The following SHF variants were observed in gnomAD, a reference collection of about 807,000 sequenced individuals.
SHF encodes the protein SH2 domain-containing adapter protein F.
In SHF, 30 loss-of-function variants were observed where a neutral mutation model predicts 42.4. That is an observed-to-expected ratio of 0.71 (90% CI 0.53 to 0.96). SHF has a LOEUF of 0.96. Ranked by LOEUF, SHF falls within the 40% of genes least tolerant of loss-of-function variation. The pLI is 0.00. For missense variants in SHF, 598 were observed against 634.0 expected (o/e 0.94, Z 0.61); for synonymous variants, 264 against 269.9 (o/e 0.98, Z 0.21).
At chr15:45,193,126 A>G (rs530763932) in intron 2 of SHF, among the ~76,000 whole-genome samples, 2 of 152,362 alleles carry the variant, frequency 1.3e-5, no homozygotes, top group South Asian at 2.1e-4. Context: ...TTGATGATCT[A>G]TACTTAAATT....
chr15:45,196,295 T>C (rs954781497), intron 2 of SHF, among the ~76,000 whole-genome samples: 3 of 152,160 alleles, frequency 2.0e-5, no homozygotes, highest in Admixed American at 6.5e-5. Flanking sequence ...GGTTTCCCCA[T>C]GTTGGCCAGG....
intron 2 of SHF, among the ~76,000 whole-genome samples, chr15:45,196,636 A>G (rs1228771688): frequency 2.6e-5 from 4 of 151,980 alleles, no homozygotes; most frequent in South Asian, 4.2e-4. Context: ...GGTGGCTCAC[A>G]CCTGTAATCC....
At chr15:45,172,774 C>T (rs1227130859) in intron 4 of SHF, among the ~76,000 whole-genome samples, 1 of 152,190 alleles carries the variant, frequency 6.6e-6, no homozygotes, top group Non-Finnish European at 1.5e-5. Context: ...TATCTGGTTC[C>T]CCTTGGTGCC....
intron 2 of SHF, among the ~76,000 whole-genome samples, chr15:45,193,261 A>G (rs1898759345): frequency 6.6e-6 from 1 of 152,220 alleles, no homozygotes; most frequent in Admixed American, 6.5e-5. Flanking sequence ...GGATGCACAC[A>G]TGACAGCCTC....
At chr15:45,176,637 T>C (rs1208658509) in intron 2 of SHF, among the ~76,000 whole-genome samples, 1 of 152,110 alleles carries the variant, frequency 6.6e-6, no homozygotes, top group Non-Finnish European at 1.5e-5. Context: ...TTTGGGTCCA[T>C]TGCCATAAAG....
At chr15:45,174,158 G>A (rs895287773) in intron 3 of SHF, 6 of 194,434 alleles carry the variant, frequency 3.1e-5, no homozygotes, top group African/African-American at 7.2e-5. Context: ...CTGGGAACTC[G>A]CAGGCAGCAA....
At chr15:45,180,064 C>A (rs116678243) in intron 1 of SHF, among the ~76,000 whole-genome samples, 107 of 152,256 alleles carry the variant, frequency 7.0e-4, no homozygotes, top group African/African-American at 2.5e-3. Flanking sequence ...AGCTCCTTTA[C>A]AACCTCCTTT....
Position 45,187,713 on chromosome 15 carries a change from G to A in SHF, c.239C>T (p.Ala80Val), listed in dbSNP as rs1254455375. 6.3e-6 allele frequency: 7 copies of A among 1,110,092 alleles called. No homozygotes were observed. Among genetic ancestry groups the A allele is most frequent in the Non-Finnish European group, 8.0e-6 (7 of 879,264 alleles). 68.8% of individuals were successfully genotyped at this position (1,110,092 alleles called of 1,614,324 possible). A position where few individuals can be genotyped will look rare whatever the true frequency, so the allele number is the denominator to read the frequency against. ...APPEPDYRPP[A>V]PSPAAPPAPP... ...CGCGGGGGGCGCGGCCGGAGAGGGC[G>A]CAGGGGGGCGGTAGTCGGGCTCGGG... Residue 80 changes from alanine (A) to valine (V), a missense_variant, in exon 1 of 7, where the codon GCG becomes GTG. Ala to Val is a moderately conservative substitution (Grantham distance 64). Around this residue, in one of 2 missense-constraint regions of SHF, gnomAD observed 159 missense variants for 109.3 expected, o/e 1.45. Coordinates refer to ENST00000690270, the MANE Select transcript of SHF (RefSeq NM_001394037.1).
chr15:45,171,829 G>C, intron 6 of SHF, 54 bp downstream of exon 6: 1 of 1,569,602 alleles, frequency 6.4e-7, no homozygotes, highest in Non-Finnish European at 8.7e-7. Flanking sequence ...GGGAATACTG[G>C]AGTCCCCTTC....
At chr15:45,187,279 G>C (rs780621419) in intron 1 of SHF, among the ~76,000 whole-genome samples, 175 bp downstream of exon 1, 1 of 152,212 alleles carries the variant, frequency 6.6e-6, no homozygotes, top group Non-Finnish European at 1.5e-5. Flanking sequence ...CAGATTAGTC[G>C]GTTGAGAATC....
intron 2 of SHF, 99 bp from the exon 3 acceptor site, chr15:45,175,524 G>C: frequency 8.9e-6 from 11 of 1,240,688 alleles, no homozygotes; most frequent in Non-Finnish European, 1.2e-5. Flanking sequence ...GCCTCCTTCA[G>C]AGGAGATGCC....
At chr15:45,189,431 G>A (rs1388406323), upstream of SHF, among the ~76,000 whole-genome samples, 4 of 119,070 alleles carry the variant, frequency 3.4e-5, no homozygotes, top group Admixed American at 1.2e-4. Flanking sequence ...GTCTCACTCC[G>A]TCGCTGGAGT....
At chr15:45,184,182 A>G (rs1170776586) in intron 1 of SHF, among the ~76,000 whole-genome samples, 2 of 152,192 alleles carry the variant, frequency 1.3e-5, no homozygotes, top group Non-Finnish European at 2.9e-5. Context: ...ATGGTCTTAC[A>G]TTGACTGGCA....
rs1898545718 is a variant in SHF at position 45,187,890 on chromosome 15, G to A, written c.62C>T (p.Ala21Val). 1 of 1,179,810 alleles carries A rather than the reference G, an allele frequency of 8.5e-7. No individual in the cohort carries two copies. The highest frequency in any genetic ancestry group is 1.0e-6 in the Non-Finnish European group (1 of 953,802). 73.1% of individuals were successfully genotyped at this position (1,179,810 alleles called of 1,614,324 possible). A position where few individuals can be genotyped will look rare whatever the true frequency, so the allele number is the denominator to read the frequency against. Residue 21 changes from alanine (A) to valine (V), a missense_variant, in exon 1 of 7, where the codon GCT (alanine) becomes GTT (valine). Physicochemically the swap from Ala to Val is moderately conservative, Grantham distance 64. Around this residue, in one of 2 missense-constraint regions of SHF, gnomAD observed 159 missense variants for 109.3 expected, o/e 1.45. Coordinates refer to ENST00000690270, the MANE Select transcript of SHF (RefSeq NM_001394037.1). ...GCGGGACCCCCCCGGGCCGCCCCCA[G>A]CGCTCCCCTGCGTTCGCGGCCCCGG... ...SRPGPRTQGS[A>V]GGGPGGSRRG...
chr15:45,193,837 GA>G (rs1208029398), intron 2 of SHF, among the ~76,000 whole-genome samples: 5 of 151,880 alleles, frequency 3.3e-5, no homozygotes, highest in African/African-American at 1.2e-4. Context: ...TGAAGCAAAT[GA>G]GTGAAAGGTC....
In SHF at chr15:45,186,664, A is replaced by C. The variant is rs1366450207; in HGVS notation, c.498+790T>G. Reference sequence around the variant, plus strand: ...CCCAGGAAAAGCTCCAGCCTCCCTCAGAATGGACCAGGGGGAGAGGGAGGC... The same window carrying C: ...CCCAGGAAAAGCTCCAGCCTCCCTCCGAATGGACCAGGGGGAGAGGGAGGC... On this transcript the variant is annotated intron_variant, in intron 1 of 6. Coordinates refer to ENST00000690270, the MANE Select transcript of SHF (RefSeq NM_001394037.1). Among the ~76,000 whole-genome samples the C allele has an allele frequency of 2.6e-5, 4 of 152,268 alleles. No homozygotes were observed. In the East Asian group the frequency reaches 7.7e-4, roughly 29 times the overall value.
intron 6 of SHF, 29 bp from the exon 7 acceptor site, chr15:45,168,162 G>A: frequency 6.5e-7 from 1 of 1,540,760 alleles, no homozygotes; most frequent in Non-Finnish European, 8.8e-7. Flanking sequence ...ACTTTGGTGA[G>A]TGGGGGCTCT....
chr15:45,186,926 T>C (rs906249952), intron 1 of SHF, among the ~76,000 whole-genome samples: 1 of 152,232 alleles, frequency 6.6e-6, no homozygotes, highest in African/African-American at 2.4e-5. Flanking sequence ...CTTCACCTCC[T>C]TTCTGGGGCT....
rs1480179860 is a variant in SHF, at chr15:45,178,239, G to A, written c.566C>T (p.Ala189Val). ...VQETGEGSAG[A>V]SGAPEKVPEN... ...AGGGACCTTCTCTGGGGCTCCTGAA[G>A]CTCCTGCTGAGCCTTCGCCAGTCTC... The change falls in exon 2 of 7, where the codon GCT becomes GTT. Residue 189 changes from alanine (A) to valine (V), a missense_variant. Physicochemically the swap from Ala to Val is moderately conservative, Grantham distance 64. Transcript: ENST00000690270. 1.2e-6 allele frequency: 2 copies of A among 1,613,994 alleles called. No homozygotes were observed. Among genetic ancestry groups the A allele is most frequent in the Non-Finnish European group, 1.7e-6 (2 of 1,179,900 alleles).
Sources: gnomAD v4.1 joint callset for allele counts (sites outside exome capture counted in the v4.1 genomes callset) on GRCh38, gnomAD v4.1.1 for gene constraint, gnomAD v4.1.1 regional missense constraint, MANE v1.5 for transcripts, NCBI Gene and HGNC (gene_info 2026-07-23, HGNC 2026-07-21) for gene names.